ATAD2B: variants seen among roughly 807,000 people sequenced by gnomAD.
ATAD2B encodes the protein ATPase family AAA domain-containing protein 2B.
ATAD2B carries 40 observed loss-of-function variants against 167.6 expected under a neutral mutation model. That is an observed-to-expected ratio of 0.24 (90% confidence interval 0.19 to 0.31). The LOEUF is 0.31. ATAD2B is among the 10% of genes least tolerant of loss of function. The pLI is 1.00. For synonymous variants in ATAD2B, 579 were observed against 596.5 expected (o/e 0.97, Z 0.43); for missense variants, 1,242 against 1,757.2 (o/e 0.71, Z 5.24).
At chr2:23,760,751 T>TACACACACACACACACACACATACAC (rs202241182) in intron 24 of ATAD2B, among the ~76,000 whole-genome samples, 2 of 100,342 alleles carry the variant, frequency 2.0e-5, no homozygotes, top group African/African-American at 6.8e-5. Flanking sequence ...CACACACACA[T>TACACACACACACACACACACATACAC]ACACACACAC....
intron 6 of ATAD2B, chr2:23,883,657 C>A (rs1698285908): frequency 8.0e-7 from 1 of 1,252,752 alleles, no homozygotes; most frequent in South Asian, 1.3e-5. Context: ...ATAATATTTG[C>A]TCAATAAAGT....
the ATAD2B span, among the ~76,000 whole-genome samples, chr2:23,740,810 C>T: frequency 6.6e-6 from 1 of 152,208 alleles, no homozygotes; most frequent in Non-Finnish European, 1.5e-5. Context: ...ACCCCATCGT[C>T]TCAGCCCCAA....
the ATAD2B span, chr2:23,703,802 G>A: frequency 5.2e-6 from 8 of 1,537,340 alleles, no homozygotes; most frequent in East Asian, 7.3e-5. Flanking sequence ...CACCATCTAC[G>A]ACCCTGAGAA....
the ATAD2B span, among the ~76,000 whole-genome samples, chr2:23,737,267 C>A: frequency 6.6e-6 from 1 of 152,200 alleles, no homozygotes; most frequent in African/African-American, 2.4e-5. Flanking sequence ...GGGTCCCTGA[C>A]CCCCGAGTAC....
At chr2:23,697,609 A>G in the ATAD2B span, 2 of 152,232 alleles carry the variant, frequency 1.3e-5, no homozygotes, top group African/African-American at 4.8e-5. Flanking sequence ...ATGTTACAGC[A>G]AAGACGGTTG....
intron 17 of ATAD2B, among the ~76,000 whole-genome samples, 160 bp downstream of exon 17, chr2:23,819,587 T>G (rs1472274979): frequency 6.6e-6 from 1 of 151,502 alleles, no homozygotes; most frequent in Non-Finnish European, 1.5e-5. Context: ...TATTACCACA[T>G]GAAAAAGAAT....
chr2:23,787,056 A>G (rs1178467543), intron 20 of ATAD2B, among the ~76,000 whole-genome samples: 1 of 151,730 alleles, frequency 6.6e-6, no homozygotes, highest in African/African-American at 2.4e-5. Context: ...GAAAAAAAAA[A>G]AAAGGAACTA....
chr2:23,787,629 T>A (rs1681019476), intron 20 of ATAD2B, among the ~76,000 whole-genome samples: 1 of 151,472 alleles, frequency 6.6e-6, no homozygotes, highest in Non-Finnish European at 1.5e-5. Context: ...ATATAACCAA[T>A]GAAAAACAAA....
chr2:23,892,475 T>C (rs1415951807), intron 2 of ATAD2B, among the ~76,000 whole-genome samples: 1 of 142,276 alleles, frequency 7.0e-6, no homozygotes, highest in Non-Finnish European at 1.5e-5. Flanking sequence ...TTTCTTTTCT[T>C]TTTTTTTTTT....
chr2:23,731,999 C>T, the ATAD2B span, among the ~76,000 whole-genome samples: 1 of 149,856 alleles, frequency 6.7e-6, no homozygotes, highest in Non-Finnish European at 1.5e-5. Context: ...AAAAAAAACT[C>T]TTAATGAGAT....
chr2:23,773,336 T>C (rs551133296), intron 22 of ATAD2B, among the ~76,000 whole-genome samples: 1 of 152,048 alleles, frequency 6.6e-6, no homozygotes, highest in Non-Finnish European at 1.5e-5. Context: ...GGAGACCCCA[T>C]CTCTGCAAAA....
downstream of ATAD2B, among the ~76,000 whole-genome samples, chr2:23,744,762 C>T (rs530518365): frequency 1.3e-5 from 2 of 152,164 alleles, no homozygotes; most frequent in African/African-American, 4.8e-5. Context: ...ATTTAAAACA[C>T]AGACAGGATA....
At chr2:23,701,805 T>C in the ATAD2B span, among the ~76,000 whole-genome samples, 20 of 141,874 alleles carry the variant, frequency 1.4e-4, no homozygotes, top group South Asian at 2.4e-4. Context: ...TTTTTTTTTT[T>C]TTTTTTTTTT....
chr2:23,754,692 T>G lies in ATAD2B; in HGVS notation c.4161A>C (p.Pro1387=). 1 of 1,613,214 alleles carries G rather than the reference T, an allele frequency of 6.2e-7. No individual in the cohort carries two copies. The highest frequency in any genetic ancestry group is 8.5e-7 in the Non-Finnish European group (1 of 1,179,394). ...TTSLELVPEE[P]SEPVPPLIVD... ...CTATAAGAGGAGGCACAGGCTCAGA[T>G]GGCTCTTCTGGAACCAGTTCCAGGC... The change falls in exon 26 of 28, where the codon CCA becomes CCC. Residue 1387 remains proline (P), a synonymous_variant. Transcript: ENST00000238789.
intron 1 of ATAD2B, among the ~76,000 whole-genome samples, chr2:23,923,802 C>G (rs1260699643): frequency 6.6e-6 from 1 of 152,110 alleles, no homozygotes; most frequent in Non-Finnish European, 1.5e-5. Flanking sequence ...CTTTTTAAAG[C>G]AAATAAAATG....
intron 13 of ATAD2B, among the ~76,000 whole-genome samples, chr2:23,836,204 C>T (rs574989958): frequency 6.6e-6 from 1 of 152,344 alleles, no homozygotes; most frequent in East Asian, 1.9e-4. Context: ...CACAGTCTGG[C>T]ATGCCGGCTG....
chr2:23,840,651 T>C (rs1690734898), intron 13 of ATAD2B, among the ~76,000 whole-genome samples: 1 of 152,228 alleles, frequency 6.6e-6, no homozygotes, highest in African/African-American at 2.4e-5. Context: ...TTCATAAATA[T>C]GGTATATGTT....
chr2:23,823,228 T>C, intron 16 of ATAD2B, 30 bp downstream of exon 16: 1 of 1,513,998 alleles, frequency 6.6e-7, no homozygotes, highest in Non-Finnish European at 9.0e-7. Flanking sequence ...TTGTTTCATC[T>C]TAACAATATA....
the ATAD2B span, among the ~76,000 whole-genome samples, chr2:23,742,252 C>T: frequency 1.9e-3 from 295 of 152,238 alleles, no homozygotes; most frequent in Non-Finnish European, 3.4e-3. Context: ...GACACATGCA[C>T]ATGTATGTTT....
Sources: allele counts gnomAD v4.1 joint callset (sites outside exome capture counted in the v4.1 genomes callset), GRCh38; gene constraint gnomAD v4.1.1; transcripts MANE v1.5; gene names NCBI Gene and HGNC (gene_info 2026-07-23, HGNC 2026-07-21).